Variants in NLRP7 observed in about 807,000 individuals in gnomAD.
The protein encoded by NLRP7 is NLR family pyrin domain containing 7.
NLRP7 carries 72 observed loss-of-function variants against 85.5 expected under a neutral mutation model. The observed-to-expected ratio is 0.84, with a 90% CI of 0.70 to 1.02. NLRP7 has a LOEUF of 1.02. Ranked by LOEUF, NLRP7 falls within the 50% of genes least tolerant of loss-of-function variation. NLRP7 has a pLI of 0.00. For missense variants in NLRP7, 1,243 were observed against 1,219.5 expected, an observed-to-expected ratio of 1.02 and a Z score of -0.29; for synonymous variants, 550 against 505.2, an observed-to-expected ratio of 1.09 and a Z score of -1.19.
At chr19:54,942,719 C>T (rs1602188632) in intron 1 of NLRP7, among the ~76,000 whole-genome samples, 1 of 152,094 alleles carries the variant, frequency 6.6e-6, no homozygotes, top group East Asian at 1.9e-4. Flanking sequence ...CTGTCTCAAA[C>T]AAACAAAAAA....
At chr19:54,947,423 C>A (rs1399234919) in intron 1 of NLRP7, 46 bp downstream of exon 1, 1 of 1,261,574 alleles carries the variant, frequency 7.9e-7, no homozygotes, top group South Asian at 1.2e-5. Context: ...GCTTCTTCTC[C>A]CTTAAACGAG....
At chr19:54,938,082 G>C (rs924634744) in exon 5 of NLRP7, 4 of 1,614,044 alleles carry the variant, frequency 2.5e-6, no homozygotes, top group Non-Finnish European at 2.5e-6. Flanking sequence ...GGGTTACGTG[G>C]TCACAAAGAA....
chr19:54,938,888 C>T, exon 4 of NLRP7: 1 of 1,614,044 alleles, frequency 6.2e-7, no homozygotes. Context: ...CAGTTCTTAC[C>T]TTTCAAATTC....
chr19:54,932,960 C>T (rs958948807), intron 8 of NLRP7, among the ~76,000 whole-genome samples: 2 of 152,094 alleles, frequency 1.3e-5, no homozygotes, highest in African/African-American at 4.8e-5. Flanking sequence ...GTGCCACTGG[C>T]CCTACCACAT....
At chr19:54,925,674 C>T (rs2068399584) in intron 9 of NLRP7, among the ~76,000 whole-genome samples, 1 of 151,980 alleles carries the variant, frequency 6.6e-6, no homozygotes, top group Admixed American at 6.6e-5. Context: ...AAGACAAAGG[C>T]AAGAAGAAAC....
upstream of NLRP7, among the ~76,000 whole-genome samples, chr19:54,952,032 G>A (rs1216961217): frequency 2.0e-5 from 3 of 152,074 alleles, no homozygotes; most frequent in Admixed American, 6.6e-5. Context: ...GATTACAGGC[G>A]TGAGCCACCG....
At position 54,941,840 on chromosome 19, in the gene NLRP7, C is replaced by G. The variant is rs376266895; in HGVS notation, c.-39-90G>C. ...TGTGCCAAGAACAAGACTGTTCCTGCTGTACAGTGAGTGGTAAAATATTCC... is the reference window on the plus strand; with the variant it reads ...TGTGCCAAGAACAAGACTGTTCCTGGTGTACAGTGAGTGGTAAAATATTCC... On this transcript the variant is annotated intron_variant, in intron 1 of 9. Transcript: ENST00000340844. The G allele has an allele frequency of 1.3e-3, 1,231 of 952,150 alleles. 17 individuals carry two copies. In the South Asian group the frequency reaches 0.02, roughly 15 times the overall value. 59.0% of individuals were successfully genotyped at this position (952,150 alleles called of 1,614,324 possible). A position where few individuals can be genotyped will look rare whatever the true frequency, so the allele number is the denominator to read the frequency against.
chr19:54,963,233 T>TA (rs1227330165), intron 1 of NLRP7, among the ~76,000 whole-genome samples: 1 of 151,398 alleles, frequency 6.6e-6, no homozygotes, highest in Non-Finnish European at 1.5e-5. Context: ...TCCATCTCTA[T>TA]AAAAAATACA....
At chr19:54,962,482 G>A (rs1372516072) in intron 1 of NLRP7, among the ~76,000 whole-genome samples, 1 of 151,492 alleles carries the variant, frequency 6.6e-6, no homozygotes, top group Non-Finnish European at 1.5e-5. Context: ...TGTTGGTCAG[G>A]CTGATCTCGA....
At chr19:54,945,228 G>A (rs1282438066) in intron 1 of NLRP7, among the ~76,000 whole-genome samples, 5 of 135,714 alleles carry the variant, frequency 3.7e-5, no homozygotes, top group African/African-American at 1.4e-4. Context: ...GGGCGAGTGA[G>A]ACTCCCTCTC....
chr19:54,940,470 C>A lies in NLRP7; in HGVS notation c.353-4G>T, dbSNP rs1444235299. 1.9e-6 allele frequency: 3 copies of A among 1,613,414 alleles called. No individual in the cohort carries two copies. The highest frequency in any genetic ancestry group is 2.5e-6 in the Non-Finnish European group (3 of 1,179,822). On this transcript the variant is annotated splice_region_variant and splice_polypyrimidine_tract_variant and intron_variant, in intron 3 of 9. Transcript: ENST00000340844. ...TTTCTCCATCCTTCCTTTTCACCTG[C>A]AGTGACAGCCCATAGGACAGTTGAG...
intron 1 of NLRP7, among the ~76,000 whole-genome samples, chr19:54,956,942 A>G (rs1355352968): frequency 6.6e-6 from 1 of 151,518 alleles, no homozygotes; most frequent in South Asian, 2.1e-4. Flanking sequence ...CTTTTATCAT[A>G]CCTTAATTTG....
chr19:54,943,449 C>A (rs1006787035), intron 1 of NLRP7, among the ~76,000 whole-genome samples: 2 of 151,528 alleles, frequency 1.3e-5, no homozygotes, highest in South Asian at 2.1e-4. Flanking sequence ...AAAATACAAA[C>A]AATTAGCCGG....
chr19:54,942,255 C>CAAAA (rs576434793), intron 1 of NLRP7, among the ~76,000 whole-genome samples: 6 of 59,428 alleles, frequency 1.0e-4, no homozygotes, highest in South Asian at 9.6e-4. Context: ...GACTCCGTCT[C>CAAAA]AAAAAAAAAA....
At position 54,943,364 on chromosome 19, in the gene NLRP7, G is replaced by A. The variant is rs576467188; in HGVS notation, c.-39-1614C>T. ...CGCCTGTAATCCCAGCACTTTGGGA[G>A]GCCGAGGCAGGCGGATCACGAGGTC... On this transcript the variant is annotated intron_variant, in intron 1 of 9. Transcript: ENST00000340844. Among the ~76,000 whole-genome samples the A allele has an allele frequency of 3.9e-5, 6 of 152,206 alleles. No individual in the cohort carries two copies. The East Asian group carries it at 1.2e-3, about 29-fold the overall frequency.
intron 1 of NLRP7, among the ~76,000 whole-genome samples, chr19:54,960,275 C>A (rs1315527471): frequency 1.3e-5 from 2 of 151,818 alleles, no homozygotes; most frequent in Non-Finnish European, 2.9e-5. Context: ...CCTCCCTCAG[C>A]CTCCTGGGTA....
exon 4 of NLRP7, chr19:54,940,066 C>T: frequency 6.2e-7 from 1 of 1,614,190 alleles, no homozygotes; most frequent in Non-Finnish European, 8.5e-7. Context: ...GGCCATCGAC[C>T]ACGAACAGGA....
intron 8 of NLRP7, among the ~76,000 whole-genome samples, chr19:54,931,354 C>T (rs1163420145): frequency 2.0e-5 from 3 of 152,050 alleles, no homozygotes; most frequent in Admixed American, 1.3e-4. Context: ...ATCAGGAGTT[C>T]AAGACCAGCC....
At chr19:54,963,514 C>T (rs1038042800) in intron 1 of NLRP7, among the ~76,000 whole-genome samples, 20 of 151,512 alleles carry the variant, frequency 1.3e-4, no homozygotes, top group Admixed American at 2.6e-4. Flanking sequence ...ATAGTGAAAC[C>T]CCATCTCTAC....
Sources: allele counts gnomAD v4.1 joint callset (sites outside exome capture counted in the v4.1 genomes callset), GRCh38; gene constraint gnomAD v4.1.1; transcripts MANE v1.5; gene names NCBI Gene and HGNC (gene_info 2026-07-23, HGNC 2026-07-21).